The following NAA25 variants were observed in gnomAD, a reference collection of about 807,000 sequenced individuals.
The protein encoded by NAA25 is N-alpha-acetyltransferase 25, NatB auxiliary subunit.
NAA25 carries 30 observed loss-of-function variants against 132.5 expected under a neutral mutation model. The observed-to-expected ratio is 0.23, with a 90% CI of 0.17 to 0.31. The LOEUF is 0.31. Among genes scored for constraint, NAA25 ranks in the 10% least tolerant of loss-of-function variants. NAA25 has a pLI of 1.00. For missense variants in NAA25, 771 were observed against 1,150.4 expected, an observed-to-expected ratio of 0.67 and a Z score of 4.77; for synonymous variants, 359 against 401.9, an observed-to-expected ratio of 0.89 and a Z score of 1.28.
At chr12:112,048,062 C>G (rs182535293) in intron 16 of NAA25, among the ~76,000 whole-genome samples, 1 of 152,106 alleles carries the variant, frequency 6.6e-6, no homozygotes, top group Non-Finnish European at 1.5e-5. Context: ...CAATATGGAC[C>G]AGGCATTGAT....
At position 112,074,661 on chromosome 12, in the gene NAA25, A is replaced by T. The variant is rs771339580; in HGVS notation, c.866+14T>A. On this transcript the variant is annotated intron_variant, in intron 9 of 23. Transcript: ENST00000261745. ...AAAAAGTGCTGTTATAATTCAGGAA[A>T]GAAGACAACTTACTGTTCACCTTCA... The T allele has an allele frequency of 1.2e-5, 19 of 1,563,012 alleles. No homozygotes were observed. In the African/African-American group the frequency reaches 2.2e-4, roughly 18 times the overall value.
chr12:112,060,374 A>G lies in NAA25; in HGVS notation c.1358-15T>C, dbSNP rs1348838110. The G allele has an allele frequency of 2.6e-6, 4 of 1,540,580 alleles. No homozygotes were observed. The highest frequency in any genetic ancestry group is 2.7e-6 in the Non-Finnish European group (3 of 1,114,330). On this transcript the variant is annotated splice_polypyrimidine_tract_variant and intron_variant, in intron 12 of 23. Transcript: ENST00000261745. Reference sequence around the variant, plus strand: ...ACAGGTTTTCCCTATGGGGGAAAAAAATCATATCTATTTTAACATTTGTTC... The same window carrying G: ...ACAGGTTTTCCCTATGGGGGAAAAAGATCATATCTATTTTAACATTTGTTC...
intron 4 of NAA25, among the ~76,000 whole-genome samples, chr12:112,084,757 C>T (rs1487611201): frequency 1.3e-5 from 2 of 151,606 alleles, no homozygotes; most frequent in Non-Finnish European, 2.9e-5. Context: ...CACACCACTG[C>T]ACTCCAGCCT....
At chr12:112,091,703 C>CAA (rs77571529) in intron 2 of NAA25, among the ~76,000 whole-genome samples, 2 of 118,340 alleles carry the variant, frequency 1.7e-5, no homozygotes, top group South Asian at 2.6e-4. Flanking sequence ...ACCTTATCTC[C>CAA]AAAAAAAAAA....
Position 112,042,123 on chromosome 12 carries a change from A to C in NAA25, c.2375-19T>G. The C allele has an allele frequency of 7.6e-7, 1 of 1,313,892 alleles. No individual in the cohort carries two copies. The highest frequency in any genetic ancestry group is 1.0e-6 in the Non-Finnish European group (1 of 975,462). The allele number at this position is 1,313,892 out of a possible 1,614,324, so 81.4% of individuals were successfully genotyped here. A position where few individuals can be genotyped will look rare whatever the true frequency, so the allele number is the denominator to read the frequency against. ...GTATCCTCTAAAATTGAAAAACAAA[A>C]AATGAAAAACTTTCAATTCTATTTT... On this transcript the variant is annotated intron_variant, in intron 19 of 23. Coordinates refer to ENST00000261745, the MANE Select transcript of NAA25 (RefSeq NM_024953.4).
intron 5 of NAA25, among the ~76,000 whole-genome samples, chr12:112,080,142 A>G (rs1482204527): frequency 4.0e-5 from 6 of 151,708 alleles, no homozygotes; most frequent in Non-Finnish European, 8.8e-5. Context: ...TTAGCCGGGC[A>G]TGGTAGCAGA....
rs746012353 is a variant in NAA25, at chr12:112,090,788, A to C, written c.221T>G (p.Leu74Arg). The C allele has an allele frequency of 1.7e-4, 268 of 1,613,952 alleles. No homozygotes were observed. The highest frequency in any genetic ancestry group is 2.2e-4 in the Non-Finnish European group (258 of 1,179,978). ...CAGTGAGTTGTCATCTGTGGGTTCAAGGGCTGCCACCTCCTGTGCAAGAGT... is the reference window on the plus strand; with the variant it reads ...CAGTGAGTTGTCATCTGTGGGTTCACGGGCTGCCACCTCCTGTGCAAGAGT... Reference protein sequence around the residue: ...AFTLAQEVAALEPTDDNSLQA... With the variant: ...AFTLAQEVAAREPTDDNSLQA... The change falls in exon 3 of 24, where the codon CTT becomes CGT. Residue 74 changes from leucine (L) to arginine (R), a missense_variant. This residue lies in a region of NAA25 where 417 missense variants were observed against 733.8 expected (regional missense o/e 0.57). Transcript: ENST00000261745.
intron 22 of NAA25, among the ~76,000 whole-genome samples, chr12:112,036,860 C>G (rs78831907): frequency 0.095 from 14,276 of 149,754 alleles, 754 homozygotes; most frequent in East Asian, 0.23. Flanking sequence ...AAAAAAAGTA[C>G]GTAAAACTGT....
chr12:112,084,235 A>C (rs1261140728), intron 4 of NAA25, among the ~76,000 whole-genome samples: 1 of 152,208 alleles, frequency 6.6e-6, no homozygotes, highest in African/African-American at 2.4e-5. Context: ...GGGGCAGCAG[A>C]AGCTCTTAAG....
At chr12:112,033,187 T>C (rs1238029412) in intron 23 of NAA25, 46 bp downstream of exon 23, 2 of 1,545,228 alleles carry the variant, frequency 1.3e-6, no homozygotes, top group Admixed American at 2.0e-5. Flanking sequence ...AGACAGAGTG[T>C]TTGTGTGTGT....
intron 10 of NAA25, among the ~76,000 whole-genome samples, chr12:112,069,546 T>C (rs2078771531): frequency 6.6e-6 from 1 of 151,970 alleles, no homozygotes; most frequent in Non-Finnish European, 1.5e-5. Flanking sequence ...ATAGGCTGGG[T>C]GCAGTGGCTC....
At position 112,029,564 on chromosome 12, in the gene NAA25, T is replaced by G; in HGVS notation, c.2886A>C (p.Lys962Asn). 3 of 1,614,086 alleles carry G rather than the reference T, an allele frequency of 1.9e-6. No homozygotes were observed. The highest frequency in any genetic ancestry group is 2.5e-6 in the Non-Finnish European group (3 of 1,179,992). The change falls in exon 24 of 24, where the codon AAA becomes AAC. Residue 962 changes from lysine (K) to asparagine (N), a missense_variant. Physicochemically the swap from Lys to Asn is moderately conservative, Grantham distance 94. Coordinates refer to ENST00000261745, the MANE Select transcript of NAA25 (RefSeq NM_024953.4). ...TTAGTTTCTTTGTGGTCTCAAGTCT[T>G]TTTTTCAGCAGCTCCCCCATTTCCA... is the stretch of plus-strand genomic sequence containing the variant. ...SLLEMGELLK[K>N]RLETTKKLKI
intron 23 of NAA25, among the ~76,000 whole-genome samples, chr12:112,031,601 T>C (rs941135931): frequency 6.6e-6 from 1 of 152,162 alleles, no homozygotes. Context: ...TCTAGAACTC[T>C]GAAAACAAGA....
chr12:112,081,220 G>A, intron 4 of NAA25, 86 bp from the exon 5 acceptor site: 4 of 1,091,298 alleles, frequency 3.7e-6, no homozygotes, highest in Non-Finnish European at 5.5e-6. Flanking sequence ...AAGTTTCTTG[G>A]GAGAACAGCA....
chr12:112,071,421 T>C (rs1370303033), intron 10 of NAA25, among the ~76,000 whole-genome samples: 1 of 152,156 alleles, frequency 6.6e-6, no homozygotes, highest in Admixed American at 6.5e-5. Context: ...AACCTCTGCC[T>C]CCTGGACTCA....
rs770909838 is a variant in NAA25, at chr12:112,043,061, CCCTATAAACACA to C, written c.2374+15_2374+26del. On this transcript the variant is annotated intron_variant, in intron 19 of 23. Transcript: ENST00000261745. ...TGTACTACATTTTCTATGACAAAGACCCTATAAACACACAGTGTACACTTACCTAAACCACTG... is the reference window on the plus strand; with the variant it reads ...TGTACTACATTTTCTATGACAAAGACCAGTGTACACTTACCTAAACCACTG... The C allele has an allele frequency of 5.1e-6, 8 of 1,564,692 alleles. No individual in the cohort carries two copies. Among genetic ancestry groups the C allele is most frequent in the Middle Eastern group, 1.7e-4 (1 of 5,854 alleles).
intron 1 of NAA25, among the ~76,000 whole-genome samples, chr12:112,106,955 C>CA (rs11286456): frequency 0.11 from 2,742 of 25,742 alleles, 289 homozygotes; most frequent in Non-Finnish European, 0.16. Context: ...AGACTGTCTC[C>CA]AAAAAAAAAA....
Position 112,075,778 on chromosome 12 carries a change from T to C in NAA25, c.676A>G (p.Ser226Gly). Residue 226 changes from serine to glycine, a missense_variant, in exon 8 of 24, where the codon AGT (serine) becomes GGT (glycine). Around this residue, in one of 3 missense-constraint regions of NAA25, gnomAD observed 417 missense variants for 733.8 expected, o/e 0.57. Coordinates refer to ENST00000261745, the MANE Select transcript of NAA25 (RefSeq NM_024953.4). ...TTATTTTCCCGACTCTGAATCTCAC[T>C]TGTCAACTTCTCTAAAATCAAAAGT... ...IRGKLGEKLT[S>G]EIQSRENKCM... 1 of 1,613,836 alleles carries C rather than the reference T, an allele frequency of 6.2e-7. No individual in the cohort carries two copies. Among genetic ancestry groups the C allele is most frequent in the South Asian group, 1.1e-5 (1 of 91,078 alleles).
chr12:112,084,661 G>A (rs937646817), intron 4 of NAA25, among the ~76,000 whole-genome samples: 9 of 151,504 alleles, frequency 5.9e-5, no homozygotes, highest in East Asian at 3.9e-4. Context: ...TTAGTGGCGC[G>A]TGCCTGTAGT....
Sources: allele counts gnomAD v4.1 joint callset (sites outside exome capture counted in the v4.1 genomes callset), GRCh38; gene constraint gnomAD v4.1.1; regional missense constraint gnomAD v4.1.1; transcripts MANE v1.5; gene names NCBI Gene and HGNC (gene_info 2026-07-23, HGNC 2026-07-21).